The following PPP6R1 variants were observed in gnomAD, a reference collection of about 807,000 sequenced individuals.
The protein encoded by PPP6R1 is protein phosphatase 6 regulatory subunit 1, also known as serine/threonine-protein phosphatase 6 regulatory subunit 1.
PPP6R1 carries 39 observed loss-of-function variants against 104.6 expected under a neutral mutation model. That is an observed-to-expected ratio of 0.37 (90% CI 0.29 to 0.49). The LOEUF (loss-of-function observed/expected upper bound fraction) is 0.49, where lower values mean the gene tolerates loss of function less well. Ranked by LOEUF, PPP6R1 falls within the 20% of genes least tolerant of loss-of-function variation. The probability of loss-of-function intolerance (pLI) is 0.98; values close to 1 mark genes in which losing one functional copy is unlikely to be tolerated. For missense variants in PPP6R1, 1,181 were observed against 1,155.8 expected (o/e 1.02, Z -0.32); for synonymous variants, 549 against 479.0 (o/e 1.15, Z -1.91).
intron 1 of PPP6R1, among the ~76,000 whole-genome samples, chr19:55,247,836 G>A (rs1225434316): frequency 6.6e-6 from 1 of 152,204 alleles, no homozygotes; most frequent in Non-Finnish European, 1.5e-5. Flanking sequence ...AAGTTGGAAG[G>A]GAGGGGCTCC....
chr19:55,240,325 C>T, intron 10 of PPP6R1, 25 bp from the exon 11 acceptor site: 1 of 1,573,374 alleles, frequency 6.4e-7, no homozygotes, highest in Non-Finnish European at 8.6e-7. Context: ...GACAGGATGG[C>T]CTGGAGGGGT....
At chr19:55,247,799 C>T (rs1456185553) in intron 1 of PPP6R1, among the ~76,000 whole-genome samples, 1 of 152,178 alleles carries the variant, frequency 6.6e-6, no homozygotes, top group African/African-American at 2.4e-5. Context: ...TCTCACCCAG[C>T]ACCTGGGCTG....
In PPP6R1 at chr19:55,245,627, A is replaced by G. The variant is rs2087501293; in HGVS notation, c.279T>C (p.Asn93=). 6.2e-7 allele frequency: 1 copy of G among 1,609,772 alleles called. No individual in the cohort carries two copies. The highest frequency in any genetic ancestry group is 1.3e-5 in the African/African-American group (1 of 74,696). ...GGGACTCATCAGCACCCAGGGCATCATTGATCTGGGGCACATCTGAGGTCA... is the reference window on the plus strand; with the variant it reads ...GGGACTCATCAGCACCCAGGGCATCGTTGATCTGGGGCACATCTGAGGTCA... ...EILTSDVPQI[N]DALGADESLL... is the part of the protein sequence containing the mutation. Residue 93 remains asparagine, a synonymous_variant, in exon 3 of 24, where the codon AAT becomes AAC. Coordinates refer to ENST00000412770, the MANE Select transcript of PPP6R1 (RefSeq NM_014931.4). The surrounding 1 kb of genome is among the most constrained non-coding windows in gnomAD (Gnocchi z 6.4).
In PPP6R1 at chr19:55,239,487, G is replaced by C; in HGVS notation, c.1669C>G (p.Gln557Glu). 2 of 1,613,978 alleles carry C rather than the reference G, an allele frequency of 1.2e-6. No homozygotes were observed. Among genetic ancestry groups the C allele is most frequent in the Non-Finnish European group, 1.7e-6 (2 of 1,179,876 alleles). ...AVLQQAFMDF[Q>E]MQRMTSAFID... is the part of the protein sequence containing the mutation. Reference sequence around the variant, plus strand: ...AAGGCAGAGGTCATGCGCTGCATCTGGAAGTCCATGAAGGCCTGTGGGGGT... The same window carrying C: ...AAGGCAGAGGTCATGCGCTGCATCTCGAAGTCCATGAAGGCCTGTGGGGGT... The change falls in exon 15 of 24, where the codon CAG (glutamine) becomes GAG (glutamate). Residue 557 changes from glutamine to glutamate, a missense_variant. Physicochemically the swap from Gln to Glu is conservative, Grantham distance 29 (BLOSUM62 2). Around this residue, in one of 2 missense-constraint regions of PPP6R1, gnomAD observed 1,042 missense variants for 955.6 expected, o/e 1.09. Transcript: ENST00000412770.
At chr19:55,247,977 G>A (rs1206161556) in intron 1 of PPP6R1, among the ~76,000 whole-genome samples, 1 of 152,212 alleles carries the variant, frequency 6.6e-6, no homozygotes, top group Non-Finnish European at 1.5e-5. Context: ...CCCTCTGGAG[G>A]ACAGTGCCTG....
intron 1 of PPP6R1, among the ~76,000 whole-genome samples, chr19:55,249,354 G>A (rs530796443): frequency 1.6e-4 from 25 of 152,238 alleles, no homozygotes; most frequent in Middle Eastern, 6.8e-3. Flanking sequence ...CGATTCTTCC[G>A]CCTCAACCTC....
chr19:55,228,639 G>A, downstream of PPP6R1: 1 of 1,586,334 alleles, frequency 6.3e-7, no homozygotes, highest in Non-Finnish European at 8.6e-7. Flanking sequence ...CGGCTGCTGG[G>A]GTTCCAGGGC....
chr19:55,253,996 A>G (rs1482961830), intron 1 of PPP6R1, among the ~76,000 whole-genome samples: 1 of 152,214 alleles, frequency 6.6e-6, no homozygotes, highest in Non-Finnish European at 1.5e-5. Context: ...AGCAGGTGCA[A>G]GTCTCTTCCG....
Position 55,245,170 on chromosome 19 carries a change from TCTC to T in PPP6R1, c.565_567del (p.Glu189del). 3 of 1,613,200 alleles carry T rather than the reference TCTC, an allele frequency of 1.9e-6. No homozygotes were observed. The highest frequency in any genetic ancestry group is 8.5e-7 in the Non-Finnish European group (1 of 1,179,668). On this transcript the variant is annotated inframe_deletion, in exon 5 of 24. Coordinates refer to ENST00000412770, the MANE Select transcript of PPP6R1 (RefSeq NM_014931.4). The surrounding 1 kb of genome is among the most constrained non-coding windows in gnomAD (Gnocchi z 6.4). ...TGCTCAATCAGCCGCTGGACGATCT[TCTC>T]CTCGTTGAGCCACTGAGGGTGAGAA...
At position 55,230,868 on chromosome 19, in the gene PPP6R1, AG is replaced by A; in HGVS notation, c.2475del (p.Ser826LeufsTer92). On this transcript the variant is annotated frameshift_variant, in exon 22 of 24. Coordinates refer to ENST00000412770, the MANE Select transcript of PPP6R1 (RefSeq NM_014931.4). LOFTEE classifies it high-confidence loss of function. ...GCCCCGGAGGCTGGGACAGAGGTAG[AG>A]GGGTCTCTGGTTGCACTGTGGGTGA... is the stretch of plus-strand genomic sequence containing the variant. The part of the protein sequence containing the change: ...PSSSDSATRD[P>X]STSVPASGAH... 1 of 1,606,950 alleles carries A rather than the reference AG, an allele frequency of 6.2e-7. No individual in the cohort carries two copies. The highest frequency in any genetic ancestry group is 8.5e-7 in the Non-Finnish European group (1 of 1,179,334).
intron 5 of PPP6R1, among the ~76,000 whole-genome samples, chr19:55,242,923 T>A (rs1488055480): frequency 2.0e-5 from 3 of 152,114 alleles, no homozygotes; most frequent in Non-Finnish European, 4.4e-5. Flanking sequence ...GATCACGTAG[T>A]ACATGATTCC....
At chr19:55,248,898 G>A (rs1398690201) in intron 1 of PPP6R1, among the ~76,000 whole-genome samples, 1 of 152,208 alleles carries the variant, frequency 6.6e-6, no homozygotes, top group Admixed American at 6.5e-5. Context: ...CCAGCCTGGG[G>A]CCAGGATCTC....
In PPP6R1 at chr19:55,230,516, C is replaced by T. The variant is rs377071354; in HGVS notation, c.*12G>A. On this transcript the variant is annotated 3_prime_UTR_variant, in exon 24 of 24. Coordinates refer to ENST00000412770, the MANE Select transcript of PPP6R1 (RefSeq NM_014931.4). ...GGACGGAAGATTTGGCCGCCGCTGC[C>T]GCACCAGGCAGCTATCTGGAAACAG... The T allele has an allele frequency of 1.4e-4, 220 of 1,613,394 alleles. No individual in the cohort carries two copies. The East Asian group carries it at 2.1e-3, about 16-fold the overall frequency.
chr19:55,241,156 C>G lies in PPP6R1; in HGVS notation c.1162-77G>C. 7.0e-7 allele frequency: 1 copy of G among 1,436,444 alleles called. No homozygotes were observed. Among genetic ancestry groups the G allele is most frequent in the Admixed American group, 2.3e-5 (1 of 43,998 alleles). 89.0% of individuals were successfully genotyped at this position (1,436,444 alleles called of 1,614,324 possible). A position where few individuals can be genotyped will look rare whatever the true frequency, so the allele number is the denominator to read the frequency against. On this transcript the variant is annotated intron_variant, in intron 9 of 23. Coordinates refer to ENST00000412770, the MANE Select transcript of PPP6R1 (RefSeq NM_014931.4). This position sits in a 1 kb window ranked among gnomAD's most constrained non-coding sequence, Gnocchi z 5.4. ...CCCAACCCCTGAGCCCCCAGCCGAG[C>G]CCCCACCCCAGCCCCCGAACCCTCA... is the stretch of plus-strand genomic sequence containing the variant.
Position 55,240,450 on chromosome 19 carries a change from G to A in PPP6R1, c.1297-150C>T, listed in dbSNP as rs1316633124. Reference sequence around the variant, plus strand: ...GGATGGGAAGGAGGGATGCAAGCTGGGGCTTGGGACCCTGGCATCCACCCA... The same window carrying A: ...GGATGGGAAGGAGGGATGCAAGCTGAGGCTTGGGACCCTGGCATCCACCCA... On this transcript the variant is annotated intron_variant, in intron 10 of 23. Transcript: ENST00000412770. 4 of 783,950 alleles carry A rather than the reference G, an allele frequency of 5.1e-6. No individual in the cohort carries two copies. The Middle Eastern group carries it at 1.1e-3, about 216-fold the overall frequency. The allele number at this position is 783,950 out of a possible 1,614,324, so 48.6% of individuals were successfully genotyped here. A position where few individuals can be genotyped will look rare whatever the true frequency, so the allele number is the denominator to read the frequency against.
rs1357979605 is a variant in PPP6R1 at position 55,231,688 on chromosome 19, G to A, written c.2307-20C>T. On this transcript the variant is annotated intron_variant, in intron 19 of 23. Transcript: ENST00000412770. ...TGAGACCTGGTAGGCGAGAGAGGCA[G>A]CCCAAGGGGGCAGCTAGGGTTAGCA... 1 of 1,580,214 alleles carries A rather than the reference G, an allele frequency of 6.3e-7. No homozygotes were observed. Among genetic ancestry groups the A allele is most frequent in the Non-Finnish European group, 8.6e-7 (1 of 1,162,782 alleles).
At chr19:55,247,414 A>G (rs1399343549) in intron 1 of PPP6R1, 2 of 400,824 alleles carry the variant, frequency 5.0e-6, no homozygotes, top group Non-Finnish European at 4.7e-6. Flanking sequence ...TTCACACCTG[A>G]GGCCTCAGGC....
rs373098735 is a variant in PPP6R1, at chr19:55,245,710, G to C, written c.228-32C>G. On this transcript the variant is annotated intron_variant, in intron 2 of 23. Coordinates refer to ENST00000412770, the MANE Select transcript of PPP6R1 (RefSeq NM_014931.4). This position sits in a 1 kb window ranked among gnomAD's most constrained non-coding sequence, Gnocchi z 6.4. ...GGCAAGCACAGGCGGGTGGGGGCTCGGGTCGGAGGCCGGGGGCAGGGGGCG... is the reference window on the plus strand; with the variant it reads ...GGCAAGCACAGGCGGGTGGGGGCTCCGGTCGGAGGCCGGGGGCAGGGGGCG... 6.4e-7 allele frequency: 1 copy of C among 1,574,346 alleles called. No homozygotes were observed. Among genetic ancestry groups the C allele is most frequent in the East Asian group, 2.3e-5 (1 of 44,218 alleles).
At chr19:55,257,423 G>C (rs924565395) in intron 1 of PPP6R1, among the ~76,000 whole-genome samples, 1 of 152,150 alleles carries the variant, frequency 6.6e-6, no homozygotes, top group Non-Finnish European at 1.5e-5. Flanking sequence ...TGTGTACTAC[G>C]AGCGAGCAAG....
Sources: gnomAD v4.1 joint callset for allele counts (sites outside exome capture counted in the v4.1 genomes callset) on GRCh38, gnomAD v4.1.1 for gene constraint, gnomAD v4.1.1 regional missense constraint, Gnocchi (gnomAD v3.1) non-coding constraint, MANE v1.5 for transcripts, NCBI Gene and HGNC (gene_info 2026-07-23, HGNC 2026-07-21) for gene names.